FAM81A: variants seen among roughly 807,000 people sequenced by gnomAD.
The protein encoded by FAM81A is family with sequence similarity 81 member A, also known as protein FAM81A.
A neutral mutation model predicts 46.7 loss-of-function variants in FAM81A; 19 were observed. That is an observed-to-expected ratio of 0.41 (90% CI 0.28 to 0.60). The LOEUF (loss-of-function observed/expected upper bound fraction) is 0.60, where lower values mean the gene tolerates loss of function less well. Among genes scored for constraint, FAM81A ranks in the 20% least tolerant of loss-of-function variants. The pLI is 0.34. For synonymous variants in FAM81A, 183 were observed against 152.9 expected (o/e 1.20, Z -1.45); for missense variants, 377 against 453.5 (o/e 0.83, Z 1.53).
chr15:59,495,818 T>C (rs1326670043), intron 4 of FAM81A, among the ~76,000 whole-genome samples: 1 of 152,258 alleles, frequency 6.6e-6, no homozygotes, highest in African/African-American at 2.4e-5. Context: ...ATATCTTCTT[T>C]AGGAAAATAT....
chr15:59,419,311 A>T (rs1360925104), intron 2 of FAM81A, among the ~76,000 whole-genome samples: 1 of 152,222 alleles, frequency 6.6e-6, no homozygotes, highest in Non-Finnish European at 1.5e-5. Context: ...AGGGAAGTGG[A>T]AGATACAATA....
chr15:59,488,693 C>A (rs2081948009), intron 3 of FAM81A, among the ~76,000 whole-genome samples: 1 of 152,196 alleles, frequency 6.6e-6, no homozygotes, highest in African/African-American at 2.4e-5. Context: ...AAATTAAATA[C>A]TGGCCAGGTG....
intron 8 of FAM81A, among the ~76,000 whole-genome samples, chr15:59,520,207 T>A (rs978040483): frequency 1.2e-4 from 18 of 152,136 alleles, no homozygotes; most frequent in Non-Finnish European, 1.8e-4. Context: ...TGGATACCCC[T>A]GCCCTATACT....
At chr15:59,439,466 G>A (rs539761094) in intron 1 of FAM81A, among the ~76,000 whole-genome samples, 5 of 152,116 alleles carry the variant, frequency 3.3e-5, no homozygotes, top group Admixed American at 2.6e-4. Context: ...GTACTAAAAA[G>A]GACACTTAGG....
chr15:59,510,879 G>A lies in FAM81A; in HGVS notation c.650+1910G>A, dbSNP rs115649207. 8.9e-3 allele frequency among the ~76,000 whole-genome samples: 1,343 copies of A among 151,524 alleles called. 23 individuals carry two copies. Among genetic ancestry groups the A allele is most frequent in the African/African-American group, 0.03 (1,226 of 41,230 alleles). Reference sequence around the variant, plus strand: ...GACAGCCTTCATGGCTGGATGTGGTGGTTCGCGCCCATAATCCCAGCACTT... The same window carrying A: ...GACAGCCTTCATGGCTGGATGTGGTAGTTCGCGCCCATAATCCCAGCACTT... On this transcript the variant is annotated intron_variant, in intron 6 of 8. Coordinates refer to ENST00000288228, the MANE Select transcript of FAM81A (RefSeq NM_152450.3).
intron 2 of FAM81A, among the ~76,000 whole-genome samples, chr15:59,429,745 TG>T (rs1451065744): frequency 6.6e-6 from 1 of 152,234 alleles, no homozygotes; most frequent in Admixed American, 6.5e-5. Flanking sequence ...TTTATCTCCA[TG>T]TGTAAAATAA....
intron 1 of FAM81A, among the ~76,000 whole-genome samples, chr15:59,399,350 T>C: frequency 6.6e-6 from 1 of 152,106 alleles, no homozygotes; most frequent in East Asian, 1.9e-4. Context: ...GCAAAAGATA[T>C]TGGACAATGT....
At chr15:59,476,584 G>A (rs773436475) in intron 3 of FAM81A, among the ~76,000 whole-genome samples, 6 of 152,070 alleles carry the variant, frequency 3.9e-5, no homozygotes, top group Admixed American at 1.3e-4. Flanking sequence ...TCAGGAGTTC[G>A]AGACCAGCCT....
chr15:59,426,757 C>T (rs2081196734), intron 2 of FAM81A, among the ~76,000 whole-genome samples: 1 of 152,226 alleles, frequency 6.6e-6, no homozygotes, highest in Non-Finnish European at 1.5e-5. Context: ...AGTTCTCCAA[C>T]ACGCCTCGAC....
intron 3 of FAM81A, among the ~76,000 whole-genome samples, chr15:59,463,690 C>CAAT (rs201652680): frequency 3.8e-3 from 581 of 151,330 alleles, no homozygotes; most frequent in East Asian, 0.013. Flanking sequence ...CTAAAAATAA[C>CAAT]AATAATAATA....
At chr15:59,464,983 T>C (rs1240295540) in intron 3 of FAM81A, among the ~76,000 whole-genome samples, 1 of 152,194 alleles carries the variant, frequency 6.6e-6, no homozygotes. Flanking sequence ...TTGGAGTTTA[T>C]TTTTGTATTG....
intron 2 of FAM81A, among the ~76,000 whole-genome samples, chr15:59,416,125 A>G (rs1819255889): frequency 6.6e-6 from 1 of 152,232 alleles, no homozygotes; most frequent in Admixed American, 6.5e-5. Flanking sequence ...TTTCCCTCAA[A>G]GGAGATCCTG....
At chr15:59,465,457 G>A (rs750634819) in intron 3 of FAM81A, among the ~76,000 whole-genome samples, 2 of 152,104 alleles carry the variant, frequency 1.3e-5, no homozygotes, top group Admixed American at 1.3e-4. Context: ...ATTTTTAGTA[G>A]AGACAGGGTT....
chr15:59,505,511 C>CA (rs1567074252), intron 4 of FAM81A, among the ~76,000 whole-genome samples: 49 of 136,442 alleles, frequency 3.6e-4, no homozygotes, highest in Middle Eastern at 3.8e-3. Flanking sequence ...GACTCTGTCT[C>CA]GAAAAAAAAA....
chr15:59,428,607 A>G (rs1443286677), intron 2 of FAM81A, among the ~76,000 whole-genome samples: 1 of 131,288 alleles, frequency 7.6e-6, no homozygotes, highest in Non-Finnish European at 1.6e-5. Flanking sequence ...TACTACCTAG[A>G]TCCATGTCTA....
intron 1 of FAM81A, among the ~76,000 whole-genome samples, chr15:59,439,710 A>G (rs955042158): frequency 5.9e-5 from 9 of 152,176 alleles, no homozygotes; most frequent in African/African-American, 2.2e-4. Flanking sequence ...AATAACCTTT[A>G]ATGTGTTACA....
upstream of FAM81A, chr15:59,438,130 C>G (rs2081256397): frequency 2.1e-5 from 3 of 146,156 alleles, no homozygotes; most frequent in South Asian, 6.2e-4. Context: ...GGGCCGCGCG[C>G]CGGGCCAGGC....
At chr15:59,449,871 G>A (rs2081397886) in intron 1 of FAM81A, among the ~76,000 whole-genome samples, 1 of 149,178 alleles carries the variant, frequency 6.7e-6, no homozygotes, top group Non-Finnish European at 1.5e-5. Flanking sequence ...ATATATTTGT[G>A]AGATTCATTC....
chr15:59,434,520 A>C (rs1451012409), upstream of FAM81A, among the ~76,000 whole-genome samples: 1 of 152,218 alleles, frequency 6.6e-6, no homozygotes, highest in African/African-American at 2.4e-5. Flanking sequence ...GGCTTTCTGC[A>C]GGACTTGTCC....
Sources: gnomAD v4.1 joint callset for allele counts (sites outside exome capture counted in the v4.1 genomes callset) on GRCh38, gnomAD v4.1.1 for gene constraint, MANE v1.5 for transcripts, NCBI Gene and HGNC (gene_info 2026-07-23, HGNC 2026-07-21) for gene names.